MSANTD2: variants seen among roughly 807,000 people sequenced by gnomAD.
The protein encoded by MSANTD2 is myb/SANT-like DNA-binding domain-containing protein 2.
In MSANTD2, 19 loss-of-function variants were observed where a neutral mutation model predicts 52.6. The observed-to-expected ratio is 0.36, with a 90% CI of 0.25 to 0.53. MSANTD2 has a LOEUF of 0.53. MSANTD2 is among the 20% of genes least tolerant of loss of function. MSANTD2 has a pLI of 0.91. For synonymous variants in MSANTD2, 291 were observed against 289.7 expected, an observed-to-expected ratio of 1.00 and a Z score of -0.04; for missense variants, 558 against 716.3, an observed-to-expected ratio of 0.78 and a Z score of 2.52.
chr11:124,783,718 T>C (rs1945063834), intron 1 of MSANTD2: 3 of 984,854 alleles, frequency 3.0e-6, no homozygotes, highest in Non-Finnish European at 3.6e-6. Flanking sequence ...AAGTTCTAAG[T>C]TTTCTAGGTT....
chr11:124,796,147 AAATT>A (rs1428915951), intron 1 of MSANTD2, among the ~76,000 whole-genome samples: 1 of 152,220 alleles, frequency 6.6e-6, no homozygotes, highest in Non-Finnish European at 1.5e-5. Context: ...TCCAAGAGTT[AAATT>A]ATTAATTCAA....
At chr11:124,799,104 T>C (rs962747719) in intron 1 of MSANTD2, among the ~76,000 whole-genome samples, 3 of 152,138 alleles carry the variant, frequency 2.0e-5, no homozygotes, top group Non-Finnish European at 2.9e-5. Flanking sequence ...TGTCACCACA[T>C]CCGGCACAGA....
intron 1 of MSANTD2, among the ~76,000 whole-genome samples, chr11:124,799,172 C>T (rs912795951): frequency 6.6e-6 from 1 of 152,216 alleles, no homozygotes. Flanking sequence ...ACCGCAGGGC[C>T]TCAAGCCAAT....
At chr11:124,778,581 G>C (rs1351271066) in intron 1 of MSANTD2, among the ~76,000 whole-genome samples, 1 of 152,164 alleles carries the variant, frequency 6.6e-6, no homozygotes, top group Non-Finnish European at 1.5e-5. Flanking sequence ...GTAACAACTT[G>C]ATCGGTGGTC....
At chr11:124,780,697 G>C (rs972344916) in intron 1 of MSANTD2, among the ~76,000 whole-genome samples, 1 of 152,136 alleles carries the variant, frequency 6.6e-6, no homozygotes, top group Non-Finnish European at 1.5e-5. Flanking sequence ...ACATACATTA[G>C]TTTGAAACCC....
intron 1 of MSANTD2, chr11:124,789,564 T>G (rs897405159): frequency 3.9e-5 from 6 of 152,212 alleles, no homozygotes; most frequent in African/African-American, 1.2e-4. Flanking sequence ...AACACAGGTT[T>G]CTATTTTACT....
At chr11:124,772,217 T>C (rs750765839) in intron 3 of MSANTD2, among the ~76,000 whole-genome samples, 2 of 152,206 alleles carry the variant, frequency 1.3e-5, no homozygotes, top group Admixed American at 1.3e-4. Flanking sequence ...ATTCCCAAAA[T>C]ACTTCAGGTG....
intron 1 of MSANTD2, chr11:124,791,075 G>T: frequency 1.8e-6 from 1 of 553,308 alleles, no homozygotes; most frequent in East Asian, 3.2e-5. Context: ...AGGAGATGAA[G>T]AGATAACGTG....
At chr11:124,786,376 C>T (rs1945163131) in intron 1 of MSANTD2, among the ~76,000 whole-genome samples, 1 of 152,110 alleles carries the variant, frequency 6.6e-6, no homozygotes, top group African/African-American at 2.4e-5. Flanking sequence ...CATCTCATCC[C>T]CATCATCTAT....
chr11:124,798,234 TAA>T (rs10601418), intron 1 of MSANTD2, among the ~76,000 whole-genome samples: 137 of 110,488 alleles, frequency 1.2e-3, no homozygotes, highest in African/African-American at 3.1e-3. Context: ...CCCTGTCTCT[TAA>T]AAAAAAAAAA....
At chr11:124,781,260 C>T (rs1944956882) in intron 1 of MSANTD2, among the ~76,000 whole-genome samples, 1 of 151,782 alleles carries the variant, frequency 6.6e-6, no homozygotes, top group Admixed American at 6.6e-5. Flanking sequence ...CTTCTTTCTA[C>T]CTGCTGGGCA....
chr11:124,798,582 T>C (rs1011800899), intron 1 of MSANTD2, among the ~76,000 whole-genome samples: 5 of 152,162 alleles, frequency 3.3e-5, no homozygotes, highest in South Asian at 2.1e-4. Flanking sequence ...CCTTGAACAA[T>C]AGTAGGTTTT....
chr11:124,783,757 CCATT>C, intron 1 of MSANTD2: 2 of 985,114 alleles, frequency 2.0e-6, no homozygotes, highest in Non-Finnish European at 2.4e-6. Context: ...AGGGTCGTGC[CCATT>C]CAGATTACTA....
Position 124,767,890 on chromosome 11 carries a change from G to A in MSANTD2, c.966C>T (p.Thr322=), listed in dbSNP as rs1944362050. The change falls in exon 4 of 4, where the codon ACC becomes ACT. Residue 322 remains threonine (T), a synonymous_variant. Transcript: ENST00000374979. This position sits in a 1 kb window ranked among gnomAD's most constrained non-coding sequence, Gnocchi z 6.5. ...KLAIFGIGYN[T]RWKEDIRYHY... ...GGTAACGGATATCCTCTTTCCAACG[G>A]GTGTTATAACCAATTCCAAAAATGG... The A allele has an allele frequency of 6.2e-7, 1 of 1,614,178 alleles. No homozygotes were observed. The highest frequency in any genetic ancestry group is 8.5e-7 in the Non-Finnish European group (1 of 1,180,028).
intron 1 of MSANTD2, among the ~76,000 whole-genome samples, chr11:124,788,212 G>C (rs545998794): frequency 2.6e-5 from 4 of 152,234 alleles, no homozygotes; most frequent in East Asian, 3.9e-4. Context: ...TGCAGAGTGA[G>C]GAATAGGCCT....
chr11:124,770,897 T>C (rs1179852990), intron 3 of MSANTD2, among the ~76,000 whole-genome samples: 1 of 151,860 alleles, frequency 6.6e-6, no homozygotes, highest in Non-Finnish European at 1.5e-5. Context: ...CATCCCTGGC[T>C]AATTTTTTGT....
intron 1 of MSANTD2, chr11:124,783,893 A>G: frequency 1.0e-6 from 1 of 985,368 alleles, no homozygotes; most frequent in Non-Finnish European, 1.2e-6. Context: ...CTTCTCATGG[A>G]CACTCATACA....
At chr11:124,795,041 G>C (rs772061081) in intron 1 of MSANTD2, among the ~76,000 whole-genome samples, 2 of 152,018 alleles carry the variant, frequency 1.3e-5, no homozygotes, top group Non-Finnish European at 2.9e-5. Context: ...ACCACGCCCG[G>C]CTAATTTTTT....
At chr11:124,772,805 G>A (rs1356116075) in intron 3 of MSANTD2, among the ~76,000 whole-genome samples, 189 bp downstream of exon 3, 1 of 148,150 alleles carries the variant, frequency 6.7e-6, no homozygotes, top group Non-Finnish European at 1.5e-5. Flanking sequence ...GGAATTACCA[G>A]TGATGCTATG....
Sources: gnomAD v4.1 joint callset for allele counts (sites outside exome capture counted in the v4.1 genomes callset) on GRCh38, gnomAD v4.1.1 for gene constraint, Gnocchi (gnomAD v3.1) non-coding constraint, MANE v1.5 for transcripts, NCBI Gene and HGNC (gene_info 2026-07-23, HGNC 2026-07-21) for gene names.